GLT1D1: variants seen among roughly 807,000 people sequenced by gnomAD.
GLT1D1 encodes the protein glycosyltransferase 1 domain-containing protein 1.
In GLT1D1, 21 loss-of-function variants were observed where a neutral mutation model predicts 28.7. The observed-to-expected ratio is 0.73, with a 90% confidence interval of 0.52 to 1.05. GLT1D1 has a LOEUF of 1.05. Ranked by LOEUF, GLT1D1 falls within the 50% of genes least tolerant of loss-of-function variation. The pLI is 0.00. For missense variants in GLT1D1, 343 were observed against 330.6 expected (o/e 1.04, Z -0.29); for synonymous variants, 147 against 124.8 (o/e 1.18, Z -1.19).
intron 4 of GLT1D1, 31 bp downstream of exon 8, chr12:128,927,185 A>G: frequency 6.8e-7 from 1 of 1,472,120 alleles, no homozygotes; most frequent in South Asian, 1.2e-5. Context: ...CACTTATCTC[A>G]TCTCTGTTTT....
In GLT1D1 at chr12:128,933,363, A is replaced by G. The variant is rs148190476; in HGVS notation, c.376-11963A>G. ...GCGCACACGCATGCGCACGTCAGAA[A>G]CAAGCTCTATTGAACAATACGCTTT... On this transcript the variant is annotated intron_variant, in intron 4 of 7. Transcript: ENST00000281703. 8.0e-3 allele frequency among the ~76,000 whole-genome samples: 1,219 copies of G among 152,396 alleles called. 22 individuals are homozygous for G. The highest frequency in any genetic ancestry group is 0.028 in the African/African-American group (1,167 of 41,598).
At chr12:128,946,635 CTTTTTTTTTTTTT>C (rs61498838) in intron 5 of GLT1D1, among the ~76,000 whole-genome samples, 6 of 64,224 alleles carry the variant, frequency 9.3e-5, no homozygotes, top group African/African-American at 3.7e-4. Context: ...GCCCGGCCTC[CTTTTTTTTTTTTT>C]TTTTTTTTTT....
At position 128,872,748 on chromosome 12, in the gene GLT1D1, G is replaced by A. The variant is rs575450274; in HGVS notation, c.69-3166G>A. Among the ~76,000 whole-genome samples, 97 of 152,110 alleles carry A rather than the reference G, an allele frequency of 6.4e-4. No individual in the cohort carries two copies. In the South Asian group the frequency reaches 8.7e-3, roughly 14 times the overall value. ...ATTTGTTGTGTATCTACATACACACGCACGCTCACACTCACACACATACAC... is the reference window on the plus strand; with the variant it reads ...ATTTGTTGTGTATCTACATACACACACACGCTCACACTCACACACATACAC... On this transcript the variant is annotated intron_variant, in intron 1 of 7. Coordinates refer to ENST00000281703, the MANE Select transcript of GLT1D1 (RefSeq NM_144669.3).
chr12:128,936,191 G>T (rs935014092), intron 4 of GLT1D1, among the ~76,000 whole-genome samples: 1 of 138,922 alleles, frequency 7.2e-6, no homozygotes, highest in East Asian at 2.1e-4. Context: ...GTCTCACTCT[G>T]TTGCCCAGGC....
intron 1 of GLT1D1, among the ~76,000 whole-genome samples, chr12:128,873,317 T>C (rs910899477): frequency 6.6e-6 from 1 of 152,180 alleles, no homozygotes; most frequent in African/African-American, 2.4e-5. Context: ...TTTTCATTAA[T>C]AGTGAATCTT....
chr12:128,904,951 T>C (rs1478635031), intron 4 of GLT1D1, among the ~76,000 whole-genome samples: 4 of 152,146 alleles, frequency 2.6e-5, no homozygotes, highest in Non-Finnish European at 5.9e-5. Flanking sequence ...GTATTTTTAA[T>C]AGAGACTGGG....
At chr12:128,885,457 A>G (rs757391623) in intron 2 of GLT1D1, among the ~76,000 whole-genome samples, 9 of 152,100 alleles carry the variant, frequency 5.9e-5, no homozygotes, top group Non-Finnish European at 1.2e-4. Context: ...TCCATACCTC[A>G]AGTGATCCAC....
chr12:128,970,923 G>A (rs1012059051), intron 7 of GLT1D1, among the ~76,000 whole-genome samples: 3 of 152,246 alleles, frequency 2.0e-5, no homozygotes, highest in African/African-American at 7.2e-5. Context: ...GATATGGACT[G>A]GGTGCTCAGT....
intron 4 of GLT1D1, among the ~76,000 whole-genome samples, chr12:128,929,008 G>GT (rs1227704510): frequency 6.6e-6 from 1 of 152,184 alleles, no homozygotes; most frequent in African/African-American, 2.4e-5. Flanking sequence ...CTGTTCCCCA[G>GT]TGTGAGGGTA....
chr12:128,928,020 A>AAAC (rs1873449127), intron 4 of GLT1D1, among the ~76,000 whole-genome samples: 5 of 150,428 alleles, frequency 3.3e-5, no homozygotes, highest in Non-Finnish European at 7.4e-5. Context: ...AAAAAAAAAA[A>AAAC]AAAAACAAAA....
At chr12:128,954,471 G>GTCTGGT (rs1320136770) in intron 6 of GLT1D1, among the ~76,000 whole-genome samples, 1 of 151,976 alleles carries the variant, frequency 6.6e-6, no homozygotes, top group East Asian at 1.9e-4. Flanking sequence ...TTATCTCGAG[G>GTCTGGT]TCTGGTTCTA....
Position 128,952,217 on chromosome 12 carries a change from G to A in GLT1D1, c.540+4759G>A, listed in dbSNP as rs181845645. ...AAGAGTGAACAGAGAACTTTAGGAC[G>A]TAGTAAGTGCTGAGGAGGAAGCGCA... On this transcript the variant is annotated intron_variant, in intron 6 of 7. Transcript: ENST00000281703. Among the ~76,000 whole-genome samples, 479 of 152,060 alleles carry A rather than the reference G, an allele frequency of 3.2e-3. 2 individuals are homozygous for A. Among genetic ancestry groups the A allele is most frequent in the African/African-American group, 0.011 (463 of 41,440 alleles).
At chr12:128,862,609 A>C (rs1377841263) in intron 1 of GLT1D1, among the ~76,000 whole-genome samples, 1 of 152,290 alleles carries the variant, frequency 6.6e-6, no homozygotes, top group African/African-American at 2.4e-5. Context: ...GCACCACTGC[A>C]CTCCAGCTTG....
chr12:128,976,427 C>G (rs1331861382), intron 7 of GLT1D1, among the ~76,000 whole-genome samples: 1 of 152,184 alleles, frequency 6.6e-6, no homozygotes, highest in Non-Finnish European at 1.5e-5. Context: ...ACCGTCGAAG[C>G]CTTAATTAAC....
Position 128,903,336 on chromosome 12 carries a change from C to T in GLT1D1, c.375+4049C>T, listed in dbSNP as rs1156361557. On this transcript the variant is annotated intron_variant, in intron 4 of 7. Transcript: ENST00000281703. ...TTTTAGGCTCGGCAGGAAGAGAGAACGGGCCTCAACTCACAAGCACATTCC... is the reference window on the plus strand; with the variant it reads ...TTTTAGGCTCGGCAGGAAGAGAGAATGGGCCTCAACTCACAAGCACATTCC... Among the ~76,000 whole-genome samples, 8 of 151,644 alleles carry T rather than the reference C, an allele frequency of 5.3e-5. No individual in the cohort carries two copies. In the South Asian group the frequency reaches 6.2e-4, roughly 12 times the overall value.
At position 128,884,090 on chromosome 12, in the gene GLT1D1, G is replaced by C. The variant is rs1024356480; in HGVS notation, c.218-4549G>C. Among the ~76,000 whole-genome samples, 4 of 152,288 alleles carry C rather than the reference G, an allele frequency of 2.6e-5. No individual in the cohort carries two copies. In the Middle Eastern group the frequency reaches 0.01, roughly 388 times the overall value. ...TATATGTGCAAAGGAAATGAAATCA[G>C]TGTGTGGAAGAGATATCTGCAACCC... On this transcript the variant is annotated intron_variant, in intron 2 of 7. Transcript: ENST00000281703.
In GLT1D1 at chr12:128,904,290, T is replaced by TA. The variant is rs903739532; in HGVS notation, c.375+5009dup. 3.3e-5 allele frequency among the ~76,000 whole-genome samples: 5 copies of TA among 151,970 alleles called. No individual in the cohort carries two copies. The South Asian group carries it at 1.0e-3, about 32-fold the overall frequency. ...AATGTACTTTGATAAAGACTTTTTT[T>TA]AAAAAACATAAACACAGTGGTACAG... On this transcript the variant is annotated intron_variant, in intron 4 of 7. Coordinates refer to ENST00000281703, the MANE Select transcript of GLT1D1 (RefSeq NM_144669.3).
intron 3 of GLT1D1, among the ~76,000 whole-genome samples, chr12:128,896,639 G>C (rs1176447532): frequency 6.7e-6 from 1 of 148,324 alleles, no homozygotes; most frequent in Non-Finnish European, 1.5e-5. Flanking sequence ...GAGTGCAGTG[G>C]CATGATCTTG....
intron 2 of GLT1D1, among the ~76,000 whole-genome samples, chr12:128,885,928 C>G (rs1957164448): frequency 6.6e-6 from 1 of 152,168 alleles, no homozygotes; most frequent in African/African-American, 2.4e-5. Context: ...CCATCCAAAT[C>G]TCTTCTTGAA....
Sources: gnomAD v4.1 joint callset for allele counts (sites outside exome capture counted in the v4.1 genomes callset) on GRCh38, gnomAD v4.1.1 for gene constraint, MANE v1.5 for transcripts, NCBI Gene and HGNC (gene_info 2026-07-23, HGNC 2026-07-21) for gene names.